The following UBE2E2 variants were observed in gnomAD, a reference collection of about 807,000 sequenced individuals.
UBE2E2 encodes the protein ubiquitin-conjugating enzyme E2 E2.
In UBE2E2, 6 loss-of-function variants were observed where a neutral mutation model predicts 24.7. The observed-to-expected ratio is 0.24, with a 90% CI of 0.13 to 0.48. The LOEUF (loss-of-function observed/expected upper bound fraction) is 0.48, where lower values mean the gene tolerates loss of function less well. UBE2E2 is among the 20% of genes least tolerant of loss of function. The probability of loss-of-function intolerance (pLI) is 0.99; values close to 1 mark genes in which losing one functional copy is unlikely to be tolerated. For synonymous variants in UBE2E2, 104 were observed against 83.6 expected, an observed-to-expected ratio of 1.24 and a Z score of -1.33; for missense variants, 169 against 245.0, an observed-to-expected ratio of 0.69 and a Z score of 2.07.
At chr3:23,368,020 T>C (rs1028978903) in intron 3 of UBE2E2, among the ~76,000 whole-genome samples, 2 of 152,148 alleles carry the variant, frequency 1.3e-5, no homozygotes, top group African/African-American at 4.8e-5. Context: ...GATACACATA[T>C]AGATATTTGG....
chr3:23,545,104 A>ATT (rs1695488948), intron 5 of UBE2E2, among the ~76,000 whole-genome samples: 1 of 152,150 alleles, frequency 6.6e-6, no homozygotes, highest in African/African-American at 2.4e-5. Flanking sequence ...TTTTATACCG[A>ATT]GACATTCCAT....
At chr3:23,537,182 T>A (rs1475468262) in intron 5 of UBE2E2, among the ~76,000 whole-genome samples, 1 of 152,224 alleles carries the variant, frequency 6.6e-6, no homozygotes, top group Non-Finnish European at 1.5e-5. Flanking sequence ...TTCATTCCCC[T>A]GTCGTCTGCC....
intron 3 of UBE2E2, among the ~76,000 whole-genome samples, chr3:23,297,404 T>C (rs1187480566): frequency 6.6e-6 from 1 of 151,912 alleles, no homozygotes; most frequent in Non-Finnish European, 1.5e-5. Context: ...TCCTGAATGG[T>C]ATTGCCTAGC....
At chr3:23,544,787 C>T (rs1462147395) in intron 5 of UBE2E2, among the ~76,000 whole-genome samples, 1 of 152,168 alleles carries the variant, frequency 6.6e-6, no homozygotes, top group Non-Finnish European at 1.5e-5. Context: ...AGGGAACCAG[C>T]GTTCAGCATA....
chr3:23,490,270 T>C (rs1404876657), intron 3 of UBE2E2, among the ~76,000 whole-genome samples: 1 of 152,196 alleles, frequency 6.6e-6, no homozygotes, highest in African/African-American at 2.4e-5. Context: ...TTGAAAATTT[T>C]AAATCTGAAA....
chr3:23,500,576 G>T (rs1286152942), intron 4 of UBE2E2, among the ~76,000 whole-genome samples: 4 of 152,162 alleles, frequency 2.6e-5, no homozygotes, highest in Non-Finnish European at 5.9e-5. Context: ...TTCTCGTCTG[G>T]CCCTGACTTA....
intron 3 of UBE2E2, among the ~76,000 whole-genome samples, chr3:23,328,678 T>C (rs2125298172): frequency 6.6e-6 from 1 of 151,718 alleles, no homozygotes; most frequent in South Asian, 2.1e-4. Context: ...TTTTTTTTGT[T>C]TTGAGACGGA....
intron 4 of UBE2E2, among the ~76,000 whole-genome samples, chr3:23,525,427 G>T (rs1314282202): frequency 2.6e-5 from 4 of 152,098 alleles, no homozygotes; most frequent in African/African-American, 4.8e-5. Flanking sequence ...GGCCATCTGG[G>T]AATTAGCCAT....
At chr3:23,244,026 T>G (rs1038768414) in intron 3 of UBE2E2, among the ~76,000 whole-genome samples, 7 of 151,950 alleles carry the variant, frequency 4.6e-5, no homozygotes, top group Non-Finnish European at 8.8e-5. Flanking sequence ...TAAAAAAACC[T>G]GTACAGTTTT....
intron 3 of UBE2E2, among the ~76,000 whole-genome samples, chr3:23,440,309 T>C (rs905618093): frequency 2.0e-5 from 3 of 152,170 alleles, no homozygotes; most frequent in Non-Finnish European, 4.4e-5. Flanking sequence ...GGTCTCACTA[T>C]GTTGCCCAGG....
At chr3:23,456,547 A>G (rs1698683914) in intron 3 of UBE2E2, among the ~76,000 whole-genome samples, 1 of 152,234 alleles carries the variant, frequency 6.6e-6, no homozygotes, top group East Asian at 1.9e-4. Flanking sequence ...TGAAAGCAAC[A>G]TTCATCTCCT....
intron 3 of UBE2E2, among the ~76,000 whole-genome samples, chr3:23,350,963 A>AAAATGTT (rs1695730106): frequency 1.3e-5 from 2 of 152,192 alleles, no homozygotes; most frequent in Admixed American, 1.3e-4. Flanking sequence ...AATGAAGGAA[A>AAAATGTT]AAATGTTAAG....
chr3:23,480,953 G>A (rs1193290141), intron 3 of UBE2E2, among the ~76,000 whole-genome samples: 1 of 152,130 alleles, frequency 6.6e-6, no homozygotes, highest in Non-Finnish European at 1.5e-5. Context: ...TTTGTTGGCG[G>A]TCTAGAAACA....
At chr3:23,258,900 G>GAAAAAAAA (rs11333992) in intron 3 of UBE2E2, among the ~76,000 whole-genome samples, 22 of 78,920 alleles carry the variant, frequency 2.8e-4, no homozygotes, top group East Asian at 4.4e-4. Flanking sequence ...CTCAAAAAAA[G>GAAAAAAAA]AAAAAAAAAA....
At chr3:23,295,541 T>A (rs1455930965) in intron 3 of UBE2E2, among the ~76,000 whole-genome samples, 1 of 152,122 alleles carries the variant, frequency 6.6e-6, no homozygotes, top group Non-Finnish European at 1.5e-5. Flanking sequence ...GGGAAAAAAA[T>A]GTTTAATGTA....
At chr3:23,315,736 T>C (rs1694555649) in intron 3 of UBE2E2, among the ~76,000 whole-genome samples, 1 of 152,216 alleles carries the variant, frequency 6.6e-6, no homozygotes, top group Admixed American at 6.5e-5. Flanking sequence ...TTTGGTTGTT[T>C]GTAACCGTCA....
At chr3:23,205,188 A>T (rs1696114375) in intron 1 of UBE2E2, among the ~76,000 whole-genome samples, 2 of 152,312 alleles carry the variant, frequency 1.3e-5, no homozygotes, top group South Asian at 2.1e-4. Context: ...GTTAAAAATT[A>T]AATTTTACTT....
intron 3 of UBE2E2, among the ~76,000 whole-genome samples, chr3:23,265,820 C>G (rs1575516619): frequency 1.3e-5 from 2 of 152,280 alleles, no homozygotes; most frequent in East Asian, 3.9e-4. Flanking sequence ...CTTTATGAAT[C>G]TGGGTGCTCC....
intron 4 of UBE2E2, among the ~76,000 whole-genome samples, chr3:23,512,090 C>A (rs1370730291): frequency 6.6e-6 from 1 of 152,108 alleles, no homozygotes; most frequent in East Asian, 1.9e-4. Flanking sequence ...TCCAGTCCTG[C>A]AGCCCCTACT....
Sources: gnomAD v4.1 joint callset for allele counts (sites outside exome capture counted in the v4.1 genomes callset) on GRCh38, gnomAD v4.1.1 for gene constraint, MANE v1.5 for transcripts, NCBI Gene and HGNC (gene_info 2026-07-23, HGNC 2026-07-21) for gene names.